The following COBLL1 variants were observed in gnomAD, a reference collection of about 807,000 sequenced individuals.
COBLL1 encodes the protein cordon-bleu WH2 repeat protein like 1.
In COBLL1, 50 loss-of-function variants were observed where a neutral mutation model predicts 94.8. The observed-to-expected ratio is 0.53, with a 90% CI of 0.42 to 0.67. The LOEUF (loss-of-function observed/expected upper bound fraction) is 0.67, where lower values mean the gene tolerates loss of function less well. Among genes scored for constraint, COBLL1 ranks in the 30% least tolerant of loss-of-function variants. COBLL1 has a pLI of 0.00. For synonymous variants in COBLL1, 448 were observed against 473.8 expected (o/e 0.95, Z 0.71); for missense variants, 1,362 against 1,348.7 (o/e 1.01, Z -0.15).
chr2:164,669,524 T>A (rs1691214083), intron 1 of COBLL1, among the ~76,000 whole-genome samples: 1 of 152,162 alleles, frequency 6.6e-6, no homozygotes, highest in Non-Finnish European at 1.5e-5. Context: ...GTAATACACA[T>A]CTATTTTTCC....
At chr2:164,756,530 A>T (rs1302445118) in intron 2 of COBLL1, among the ~76,000 whole-genome samples, 2 of 152,198 alleles carry the variant, frequency 1.3e-5, no homozygotes, top group Non-Finnish European at 2.9e-5. Flanking sequence ...TGATAGAGTA[A>T]TAGTTTATTC....
chr2:164,659,699 G>A (rs534791205), intron 2 of COBLL1, among the ~76,000 whole-genome samples: 52 of 152,238 alleles, frequency 3.4e-4, no homozygotes, highest in African/African-American at 1.2e-3. Context: ...CAGGTTGTCC[G>A]GAGTGGGCAA....
chr2:164,778,357 A>C (rs1323001411), intron 2 of COBLL1, among the ~76,000 whole-genome samples: 8 of 152,168 alleles, frequency 5.3e-5, no homozygotes, highest in Admixed American at 5.2e-4. Context: ...CTGTAATCCC[A>C]ACACTTTGGG....
At chr2:164,728,336 C>G in intron 4 of COBLL1, 139 bp from the exon 5 acceptor site, 1 of 591,762 alleles carries the variant, frequency 1.7e-6, no homozygotes. Context: ...GTGAAATTCT[C>G]TTTTTGATTA....
intron 2 of COBLL1, among the ~76,000 whole-genome samples, chr2:164,767,659 G>A (rs1420998723): frequency 1.3e-5 from 2 of 151,978 alleles, no homozygotes; most frequent in African/African-American, 4.8e-5. Flanking sequence ...TAATTTACAT[G>A]TAAATTCATT....
intron 2 of COBLL1, among the ~76,000 whole-genome samples, chr2:164,835,060 TA>T (rs150544855): frequency 1.1e-3 from 163 of 150,054 alleles, no homozygotes; most frequent in African/African-American, 3.8e-3. Context: ...ACAACCACTG[TA>T]AAAAAAAACA....
intron 2 of COBLL1, among the ~76,000 whole-genome samples, chr2:164,811,377 C>T (rs1183456613): frequency 6.6e-6 from 1 of 151,902 alleles, no homozygotes; most frequent in Non-Finnish European, 1.5e-5. Flanking sequence ...TTACCATACG[C>T]AAATTGTGCA....
intron 2 of COBLL1, among the ~76,000 whole-genome samples, chr2:164,776,576 T>A (rs998169770): frequency 1.1e-4 from 16 of 151,892 alleles, no homozygotes; most frequent in South Asian, 2.1e-4. Context: ...TGTTTTTTTT[T>A]AATTTATTTT....
intron 2 of COBLL1, among the ~76,000 whole-genome samples, chr2:164,784,981 T>C (rs1378958073): frequency 1.3e-5 from 2 of 152,092 alleles, no homozygotes; most frequent in Non-Finnish European, 2.9e-5. Flanking sequence ...TCCATCCTAA[T>C]GAATGTATTA....
chr2:164,828,594 T>C (rs1685547970), intron 2 of COBLL1, among the ~76,000 whole-genome samples: 1 of 151,990 alleles, frequency 6.6e-6, no homozygotes, highest in African/African-American at 2.4e-5. Flanking sequence ...AAGGGAGAAA[T>C]TATATACGTA....
At position 164,705,086 on chromosome 2, in the gene COBLL1, C is replaced by G; in HGVS notation, c.1016G>C (p.Arg339Thr). The G allele has an allele frequency of 6.5e-7, 1 of 1,544,362 alleles. No homozygotes were observed. Among genetic ancestry groups the G allele is most frequent in the Non-Finnish European group, 8.7e-7 (1 of 1,148,768 alleles). The change falls in exon 8 of 14, where the codon AGA becomes ACA. Residue 339 changes from arginine to threonine, a missense_variant. Coordinates refer to ENST00000652658, the MANE Select transcript of COBLL1 (RefSeq NM_001365672.2). ...GAGCTGCAGTGAACCTGCCCTCACT[C>G]TTCCTGCTTCACAGGGACTCTGGAA... ...ETDKSPCEAG[R>T]VRAGSLQLSS...
At chr2:164,770,573 G>A (rs1207437084) in intron 2 of COBLL1, among the ~76,000 whole-genome samples, 1 of 151,956 alleles carries the variant, frequency 6.6e-6, no homozygotes, top group Non-Finnish European at 1.5e-5. Context: ...TTCCTGGCCC[G>A]CCCAACTACC....
intron 2 of COBLL1, among the ~76,000 whole-genome samples, chr2:164,657,997 C>T (rs535018435): frequency 6.8e-4 from 104 of 152,122 alleles, no homozygotes; most frequent in African/African-American, 2.3e-3. Flanking sequence ...TTGCTGTTGC[C>T]GGCTTGAATG....
chr2:164,836,597 T>C (rs113335756), intron 2 of COBLL1, among the ~76,000 whole-genome samples: 78 of 152,332 alleles, frequency 5.1e-4, no homozygotes, highest in African/African-American at 1.6e-3. Context: ...GTTTCATTCA[T>C]TGTAAAATGA....
rs568872509 is a variant in COBLL1, at chr2:164,796,241, A to G, written c.41+44915T>C. Among the ~76,000 whole-genome samples the G allele has an allele frequency of 2.6e-5, 4 of 152,360 alleles. No individual in the cohort carries two copies. The South Asian group carries it at 6.2e-4, about 24-fold the overall frequency. ...TACGGGGCATAACCAAATGCAAAGC[A>G]AAGTCCCAAATTAGACCCTAATTAG... On this transcript the variant is annotated intron_variant, in intron 2 of 13. Transcript: ENST00000652658.
intron 3 of COBLL1, among the ~76,000 whole-genome samples, chr2:164,734,034 C>A (rs984742411): frequency 3.3e-5 from 5 of 152,110 alleles, no homozygotes. Flanking sequence ...AATTGTCAAG[C>A]CCCAGCCCAG....
chr2:164,841,222 C>G lies in COBLL1; in HGVS notation c.-26G>C, dbSNP rs1683591164. 1 of 1,230,926 alleles carries G rather than the reference C, an allele frequency of 8.1e-7. No homozygotes were observed. The highest frequency in any genetic ancestry group is 1.0e-6 in the Non-Finnish European group (1 of 988,338). 76.3% of individuals were successfully genotyped at this position (1,230,926 alleles called of 1,614,324 possible). ...CGCCCTGCGGGGCGCTGCGCGGGCTCCAGCTCCCAGGCGGCGCGTCACTGC... is the reference window on the plus strand; with the variant it reads ...CGCCCTGCGGGGCGCTGCGCGGGCTGCAGCTCCCAGGCGGCGCGTCACTGC... On this transcript the variant is annotated 5_prime_UTR_variant, in exon 2 of 14. Coordinates refer to ENST00000652658, the MANE Select transcript of COBLL1 (RefSeq NM_001365672.2). This position sits in a 1 kb window ranked among gnomAD's most constrained non-coding sequence, Gnocchi z 5.5.
rs1042160399 is a variant in COBLL1, at chr2:164,680,753, C to T, written c.*5193G>A. Reference sequence around the variant, plus strand: ...AAATATTGTATGGGATATGCTTATACTAAAAAAAAATTTGTTGTTTATCCG... The same window carrying T: ...AAATATTGTATGGGATATGCTTATATTAAAAAAAAATTTGTTGTTTATCCG... On this transcript the variant is annotated 3_prime_UTR_variant, in exon 14 of 14. Transcript: ENST00000652658. The T allele has an allele frequency of 2.6e-5, 4 of 151,860 alleles. No homozygotes were observed. The highest frequency in any genetic ancestry group is 2.0e-4 in the Admixed American group (3 of 15,230). The allele number at this position is 151,860 out of a possible 1,614,324, so 9.4% of individuals were successfully genotyped here.
rs183628672 is a variant in COBLL1, at chr2:164,829,832, A to G, written c.41+11324T>C. ...GAAAACTATTTAATTAGCAGTGTCAAATTTCAGAAGCTGGCTGGTTCCCTA... is the reference window on the plus strand; with the variant it reads ...GAAAACTATTTAATTAGCAGTGTCAGATTTCAGAAGCTGGCTGGTTCCCTA... On this transcript the variant is annotated intron_variant, in intron 2 of 13. Coordinates refer to ENST00000652658, the MANE Select transcript of COBLL1 (RefSeq NM_001365672.2). Among the ~76,000 whole-genome samples the G allele has an allele frequency of 1.6e-4, 24 of 152,284 alleles. 1 individual carries two copies. The East Asian group carries it at 3.7e-3, about 23-fold the overall frequency.
Sources: allele counts gnomAD v4.1 joint callset (sites outside exome capture counted in the v4.1 genomes callset), GRCh38; gene constraint gnomAD v4.1.1; non-coding constraint Gnocchi (gnomAD v3.1); transcripts MANE v1.5; gene names NCBI Gene and HGNC (gene_info 2026-07-23, HGNC 2026-07-21).